COMMD10: variants seen among roughly 807,000 people sequenced by gnomAD.
COMMD10 encodes the protein COMM domain containing 10.
COMMD10 carries 33 observed loss-of-function variants against 28.9 expected under a neutral mutation model. The ratio of observed to expected loss-of-function variants is 1.14; its 90% CI spans 0.87 to 1.53. The LOEUF (loss-of-function observed/expected upper bound fraction) is 1.53. Among genes scored for constraint, COMMD10 ranks in the 40% most tolerant of loss-of-function variants. COMMD10 has a pLI of 0.00. For synonymous variants in COMMD10, 110 were observed against 81.7 expected, an observed-to-expected ratio of 1.35 and a Z score of -1.87; for missense variants, 310 against 233.4, an observed-to-expected ratio of 1.33 and a Z score of -2.14.
chr5:116,102,748 T>C (rs970300242), intron 4 of COMMD10, among the ~76,000 whole-genome samples: 6 of 152,100 alleles, frequency 3.9e-5, no homozygotes, highest in Non-Finnish European at 7.4e-5. Context: ...ACACGTGCCA[T>C]AGTGGTTTGC....
chr5:116,129,274 TGGG>T, intron 4 of COMMD10, among the ~76,000 whole-genome samples: 1 of 150,370 alleles, frequency 6.7e-6, no homozygotes, highest in East Asian at 1.9e-4. Flanking sequence ...ATCTGTAAAA[TGGG>T]GGTAATAAGC....
intron 4 of COMMD10, among the ~76,000 whole-genome samples, chr5:116,098,071 T>C (rs1329668746): frequency 2.0e-5 from 3 of 152,188 alleles, no homozygotes; most frequent in African/African-American, 7.2e-5. Flanking sequence ...ATTAGTCACT[T>C]TATCATATTA....
chr5:116,107,069 G>A (rs1750863270), intron 4 of COMMD10, among the ~76,000 whole-genome samples: 1 of 151,172 alleles, frequency 6.6e-6, no homozygotes, highest in Non-Finnish European at 1.5e-5. Flanking sequence ...TGAGAGATCT[G>A]CTGTGGGTAA....
chr5:116,213,249 C>G (rs183340226), intron 5 of COMMD10, among the ~76,000 whole-genome samples: 1 of 151,990 alleles, frequency 6.6e-6, no homozygotes, highest in Non-Finnish European at 1.5e-5. Context: ...AATTTTTCCA[C>G]TAATAGGAGT....
At chr5:116,101,313 T>G in intron 4 of COMMD10, among the ~76,000 whole-genome samples, 1 of 152,218 alleles carries the variant, frequency 6.6e-6, no homozygotes, top group East Asian at 1.9e-4. Flanking sequence ...TTGAGCAATC[T>G]CTATACTGTT....
At chr5:116,135,764 T>C (rs143779904) in intron 5 of COMMD10, among the ~76,000 whole-genome samples, 388 of 152,314 alleles carry the variant, frequency 2.5e-3, no homozygotes, top group Non-Finnish European at 4.4e-3. Context: ...AAACAGTATA[T>C]ATTGGGTTTA....
chr5:116,216,207 T>C (rs1014091056), intron 5 of COMMD10, among the ~76,000 whole-genome samples: 3 of 152,178 alleles, frequency 2.0e-5, no homozygotes, highest in Non-Finnish European at 4.4e-5. Flanking sequence ...TTTTTAACCA[T>C]TACACAAGAT....
chr5:116,287,937 T>C (rs1223555881), intron 5 of COMMD10, among the ~76,000 whole-genome samples: 1 of 151,866 alleles, frequency 6.6e-6, no homozygotes, highest in Non-Finnish European at 1.5e-5. Flanking sequence ...GGTTTTGTTT[T>C]GTTTTGGGGT....
intron 5 of COMMD10, among the ~76,000 whole-genome samples, chr5:116,239,679 C>A (rs1320497824): frequency 2.0e-5 from 3 of 152,074 alleles, no homozygotes; most frequent in Non-Finnish European, 4.4e-5. Context: ...AATCTGTGTG[C>A]AAACCAATTA....
rs767815358 is a variant in COMMD10 at position 116,134,123 on chromosome 5, A to G, written c.455A>G (p.Lys152Arg). Residue 152 changes from lysine to arginine, a missense_variant, in exon 5 of 7, where the codon AAA becomes AGA. Lys to Arg is a conservative substitution (Grantham distance 26, BLOSUM62 2). Coordinates refer to ENST00000274458, the MANE Select transcript of COMMD10 (RefSeq NM_016144.4). The part of the protein sequence containing the change: ...NLQMAHSAQA[K>R]LKSPQAVLQL... ...CAGATGGCTCACTCTGCTCAAGCAA[A>G]ACTAAAATCTCCTCAAGCTGTGTTA... 2.5e-6 allele frequency: 4 copies of G among 1,612,982 alleles called. No homozygotes were observed. The Admixed American group carries it at 5.0e-5, about 20-fold the overall frequency.
intron 5 of COMMD10, among the ~76,000 whole-genome samples, chr5:116,263,829 C>T (rs373288260): frequency 1.2e-4 from 18 of 151,724 alleles, no homozygotes; most frequent in African/African-American, 4.1e-4. Flanking sequence ...ATTGATATCT[C>T]ATGCCTCCCT....
chr5:116,174,042 A>T (rs1358206929), intron 5 of COMMD10, among the ~76,000 whole-genome samples: 3 of 152,082 alleles, frequency 2.0e-5, no homozygotes, highest in African/African-American at 7.2e-5. Flanking sequence ...AAGAACATAG[A>T]TTGAATAAGT....
intron 4 of COMMD10, among the ~76,000 whole-genome samples, chr5:116,122,433 T>C (rs555149162): frequency 2.0e-5 from 3 of 152,354 alleles, no homozygotes; most frequent in African/African-American, 7.2e-5. Flanking sequence ...CCAGCTTTGT[T>C]CTTTTTGCTC....
At chr5:116,250,037 A>G (rs1183811809) in intron 5 of COMMD10, among the ~76,000 whole-genome samples, 1 of 151,878 alleles carries the variant, frequency 6.6e-6, no homozygotes, top group Non-Finnish European at 1.5e-5. Flanking sequence ...AATAATGATA[A>G]TTTATATTCC....
chr5:116,262,102 T>A (rs1260089148), intron 5 of COMMD10, among the ~76,000 whole-genome samples: 1 of 151,686 alleles, frequency 6.6e-6, no homozygotes, highest in Non-Finnish European at 1.5e-5. Context: ...AGAATCAGGA[T>A]TCAGACACAG....
intron 6 of COMMD10, 137 bp from the exon 7 acceptor site, chr5:116,292,314 T>C (rs959885790): frequency 3.5e-5 from 16 of 451,810 alleles, no homozygotes; most frequent in Non-Finnish European, 5.0e-5. Flanking sequence ...GGTAATTTTA[T>C]TGCTATGTGA....
intron 4 of COMMD10, among the ~76,000 whole-genome samples, chr5:116,110,689 C>G (rs1048576496): frequency 6.6e-6 from 1 of 152,146 alleles, no homozygotes; most frequent in Non-Finnish European, 1.5e-5. Flanking sequence ...GTTCTGCAGG[C>G]TGTACTGGAA....
chr5:116,194,354 A>T (rs1041704326), intron 5 of COMMD10, among the ~76,000 whole-genome samples: 2 of 152,138 alleles, frequency 1.3e-5, no homozygotes, highest in African/African-American at 4.8e-5. Flanking sequence ...AAACAAAAAC[A>T]ATGAAAAAGA....
chr5:116,268,393 A>G (rs1338715843), intron 5 of COMMD10, among the ~76,000 whole-genome samples: 1 of 151,894 alleles, frequency 6.6e-6, no homozygotes, highest in Non-Finnish European at 1.5e-5. Context: ...AATCAAAACC[A>G]CAATGAGATA....
Sources: allele counts gnomAD v4.1 joint callset (sites outside exome capture counted in the v4.1 genomes callset), GRCh38; gene constraint gnomAD v4.1.1; transcripts MANE v1.5; gene names NCBI Gene and HGNC (gene_info 2026-07-23, HGNC 2026-07-21).